Variants in RNF180 observed in about 807,000 individuals in gnomAD.
RNF180 encodes the protein ring finger protein 180, also known as E3 ubiquitin-protein ligase RNF180.
RNF180 carries 38 observed loss-of-function variants against 59.2 expected under a neutral mutation model. That is an observed-to-expected ratio of 0.64 (90% CI 0.50 to 0.84). RNF180 has a LOEUF of 0.84. RNF180 is among the 40% of genes least tolerant of loss of function. The pLI is 0.00. For synonymous variants in RNF180, 262 were observed against 240.3 expected (o/e 1.09, Z -0.84); for missense variants, 705 against 700.9 (o/e 1.01, Z -0.07).
intron 5 of RNF180, among the ~76,000 whole-genome samples, chr5:64,302,098 A>T (rs1306742143): frequency 6.6e-6 from 1 of 151,634 alleles, no homozygotes. Context: ...CAGCTGTTGT[A>T]TCAAGTCTCC....
intron 5 of RNF180, among the ~76,000 whole-genome samples, chr5:64,228,024 T>A (rs1291709130): frequency 6.6e-6 from 1 of 152,120 alleles, no homozygotes; most frequent in African/African-American, 2.4e-5. Context: ...GTGGAGACCT[T>A]ACAATATCAG....
chr5:64,332,794 TAGAAAAGTCC>T (rs1438718354), intron 7 of RNF180, among the ~76,000 whole-genome samples: 1 of 152,162 alleles, frequency 6.6e-6, no homozygotes, highest in Non-Finnish European at 1.5e-5. Flanking sequence ...TGGGACCTGG[TAGAAAAGTCC>T]AGATATGAGG....
intron 2 of RNF180, among the ~76,000 whole-genome samples, chr5:64,210,780 T>A (rs1239266950): frequency 6.6e-6 from 1 of 152,114 alleles, no homozygotes; most frequent in Non-Finnish European, 1.5e-5. Flanking sequence ...TTTCTCCTGG[T>A]ATAGGGGATG....
chr5:64,298,931 G>A (rs766780492), intron 5 of RNF180, among the ~76,000 whole-genome samples: 29 of 152,090 alleles, frequency 1.9e-4, no homozygotes, highest in Non-Finnish European at 4.0e-4. Flanking sequence ...TAGTGCAGGA[G>A]CCTAGTCCAA....
intron 7 of RNF180, among the ~76,000 whole-genome samples, chr5:64,341,781 G>T (rs1745365107): frequency 6.6e-6 from 1 of 152,100 alleles, no homozygotes; most frequent in Non-Finnish European, 1.5e-5. Flanking sequence ...ATGAATCCAT[G>T]TCAGTGCAAT....
intron 5 of RNF180, among the ~76,000 whole-genome samples, chr5:64,303,546 G>A (rs1185919400): frequency 6.6e-6 from 1 of 151,654 alleles, no homozygotes; most frequent in Admixed American, 6.6e-5. Context: ...AGTTCGAATG[G>A]TCTATGTAGA....
At position 64,214,087 on chromosome 5, in the gene RNF180, C is replaced by T. The variant is rs756997395; in HGVS notation, c.761C>T (p.Ala254Val). Residue 254 changes from alanine (A) to valine (V), a missense_variant, in exon 4 of 8, where the codon GCC becomes GTC. Physicochemically the swap from Ala to Val is moderately conservative, Grantham distance 64. Transcript: ENST00000389100. ...TATGAAATACATAGTAAGACTACTG[C>T]CTATTCCAGACTAAATGAAACACAG... Reference protein sequence around the residue: ...TLYEIHSKTTAYSRLNETQPI... With the variant: ...TLYEIHSKTTVYSRLNETQPI... The T allele has an allele frequency of 6.2e-7, 1 of 1,613,774 alleles. No individual in the cohort carries two copies. The highest frequency in any genetic ancestry group is 1.7e-5 in the Admixed American group (1 of 59,984).
At chr5:64,355,223 A>G (rs576197327) in intron 7 of RNF180, among the ~76,000 whole-genome samples, 7 of 152,090 alleles carry the variant, frequency 4.6e-5, no homozygotes, top group African/African-American at 1.7e-4. Context: ...ATTTAGCAAC[A>G]TGGCAGGTTA....
At chr5:64,361,225 A>C (rs1349070431) in intron 7 of RNF180, among the ~76,000 whole-genome samples, 2 of 151,586 alleles carry the variant, frequency 1.3e-5, no homozygotes, top group East Asian at 3.9e-4. Flanking sequence ...TATGGATTAA[A>C]ATGCCATATA....
Position 64,257,127 on chromosome 5 carries a change from A to C in RNF180, c.1227+39731A>C, listed in dbSNP as rs112303768. Among the ~76,000 whole-genome samples, 560 of 152,306 alleles carry C rather than the reference A, an allele frequency of 3.7e-3. 1 individual carries two copies. The highest frequency in any genetic ancestry group is 0.013 in the African/African-American group (530 of 41,550). ...GCTGAGATGATGGGGTTTTTTAGATATACAATCATGTCATCTGCAAACAGG... is the reference window on the plus strand; with the variant it reads ...GCTGAGATGATGGGGTTTTTTAGATCTACAATCATGTCATCTGCAAACAGG... On this transcript the variant is annotated intron_variant, in intron 5 of 7. Coordinates refer to ENST00000389100, the MANE Select transcript of RNF180 (RefSeq NM_001113561.2).
At chr5:64,183,383 T>C (rs1750709525) in intron 1 of RNF180, among the ~76,000 whole-genome samples, 1 of 150,718 alleles carries the variant, frequency 6.6e-6, no homozygotes, top group Admixed American at 6.6e-5. Flanking sequence ...TAGTTTCAAA[T>C]ATATGAAGGA....
At chr5:64,207,422 T>C (rs1994931) in intron 2 of RNF180, among the ~76,000 whole-genome samples, 68,446 of 151,826 alleles carry the variant, frequency 0.45, 16,882 homozygotes, top group African/African-American at 0.66. Context: ...GTGGTGGATC[T>C]CCGGAACTAA....
intron 5 of RNF180, among the ~76,000 whole-genome samples, chr5:64,226,903 A>G (rs1311641479): frequency 1.3e-5 from 2 of 152,238 alleles, no homozygotes; most frequent in African/African-American, 2.4e-5. Context: ...GAAGTTGGCA[A>G]CCAAAAAGTC....
At chr5:64,305,161 G>T (rs1743372708) in intron 5 of RNF180, among the ~76,000 whole-genome samples, 1 of 151,592 alleles carries the variant, frequency 6.6e-6, no homozygotes, top group Non-Finnish European at 1.5e-5. Context: ...CAATGTGTGT[G>T]TCTTGCTTTA....
Position 64,372,307 on chromosome 5 carries a change from G to A in RNF180, c.*2493G>A, listed in dbSNP as rs1306887245. 2 of 151,518 alleles carry A rather than the reference G, an allele frequency of 1.3e-5. No individual in the cohort carries two copies. Among genetic ancestry groups the A allele is most frequent in the African/African-American group, 4.8e-5 (2 of 41,294 alleles). The allele number at this position is 151,518 out of a possible 1,614,324, so 9.4% of individuals were successfully genotyped here. On this transcript the variant is annotated 3_prime_UTR_variant, in exon 8 of 8. Coordinates refer to ENST00000389100, the MANE Select transcript of RNF180 (RefSeq NM_001113561.2). ...TATTTTATACTCAGCAGAAGACAGG[G>A]AAATTTAAATTAGACAAAGTTGAAA...
chr5:64,319,945 T>TA (rs899730431), intron 5 of RNF180, among the ~76,000 whole-genome samples: 3 of 152,218 alleles, frequency 2.0e-5, no homozygotes, highest in African/African-American at 7.2e-5. Flanking sequence ...GAACATTGTT[T>TA]AAAAAAGTCA....
chr5:64,275,276 A>G (rs939965862), intron 5 of RNF180, among the ~76,000 whole-genome samples: 1 of 144,234 alleles, frequency 6.9e-6, no homozygotes, highest in Non-Finnish European at 1.5e-5. Flanking sequence ...TGTCAGGCAT[A>G]TGAAAAATAA....
intron 2 of RNF180, among the ~76,000 whole-genome samples, chr5:64,205,105 A>T (rs1751949056): frequency 6.6e-6 from 1 of 152,152 alleles, no homozygotes; most frequent in Non-Finnish European, 1.5e-5. Context: ...AATTGCTGTG[A>T]TGTTTGCTGC....
At chr5:64,215,700 A>G (rs1471047973) in intron 4 of RNF180, among the ~76,000 whole-genome samples, 1 of 152,118 alleles carries the variant, frequency 6.6e-6, no homozygotes, top group Non-Finnish European at 1.5e-5. Flanking sequence ...CGAGCTATAC[A>G]TAGGTAAATT....
Sources: gnomAD v4.1 joint callset for allele counts (sites outside exome capture counted in the v4.1 genomes callset) on GRCh38, gnomAD v4.1.1 for gene constraint, MANE v1.5 for transcripts, NCBI Gene and HGNC (gene_info 2026-07-23, HGNC 2026-07-21) for gene names.